INPP4B: variants seen among roughly 807,000 people sequenced by gnomAD.
INPP4B encodes the protein inositol polyphosphate 4-phosphatase type II.
Under a neutral mutation model 122.5 loss-of-function variants are expected in INPP4B, and 55 were observed. That is an observed-to-expected ratio of 0.45 (90% CI 0.36 to 0.56). The LOEUF (loss-of-function observed/expected upper bound fraction) is 0.56, where lower values mean the gene tolerates loss of function less well. Among genes scored for constraint, INPP4B ranks in the 20% least tolerant of loss-of-function variants. The pLI is 0.00. For missense variants in INPP4B, 1,000 were observed against 1,097.7 expected (o/e 0.91, Z 1.26); for synonymous variants, 403 against 388.7 (o/e 1.04, Z -0.43).
chr4:142,078,804 C>T (rs1772254891), intron 25 of INPP4B, among the ~76,000 whole-genome samples: 1 of 151,794 alleles, frequency 6.6e-6, no homozygotes, highest in South Asian at 2.1e-4. Context: ...GATGAAGAAA[C>T]CTTGGTGAAT....
chr4:142,827,969 A>G (rs1446530453), intron 1 of INPP4B, among the ~76,000 whole-genome samples: 1 of 152,126 alleles, frequency 6.6e-6, no homozygotes, highest in East Asian at 1.9e-4. Context: ...GTTGAACAGA[A>G]CTCTGAGGTA....
At chr4:142,229,476 T>C (rs1054180673) in intron 12 of INPP4B, among the ~76,000 whole-genome samples, 3 of 152,096 alleles carry the variant, frequency 2.0e-5, no homozygotes, top group Non-Finnish European at 4.4e-5. Flanking sequence ...AGGTGGTAGG[T>C]AGATGAATAC....
chr4:142,033,672 T>TTC (rs1741895627), intron 25 of INPP4B, among the ~76,000 whole-genome samples: 1 of 150,058 alleles, frequency 6.7e-6, no homozygotes, highest in Admixed American at 6.6e-5. Context: ...CATTTCATTT[T>TTC]TTTTTTTTTT....
intron 17 of INPP4B, among the ~76,000 whole-genome samples, chr4:142,159,907 C>T (rs900852020): frequency 2.0e-5 from 3 of 151,892 alleles, no homozygotes; most frequent in South Asian, 4.1e-4. Flanking sequence ...GAGGGATTTG[C>T]GAGATATCTA....
intron 9 of INPP4B, among the ~76,000 whole-genome samples, chr4:142,282,883 T>C (rs908339899): frequency 6.6e-6 from 1 of 152,074 alleles, no homozygotes; most frequent in African/African-American, 2.4e-5. Flanking sequence ...GGGAACATCT[T>C]AGCATTCTGA....
intron 1 of INPP4B, among the ~76,000 whole-genome samples, chr4:142,804,212 A>G (rs2151098499): frequency 6.6e-6 from 1 of 152,196 alleles, no homozygotes; most frequent in Non-Finnish European, 1.5e-5. Flanking sequence ...TCACTTTAGC[A>G]TTGAAGTCAG....
intron 12 of INPP4B, among the ~76,000 whole-genome samples, chr4:142,231,474 C>CA (rs1854342688): frequency 6.6e-6 from 1 of 152,166 alleles, no homozygotes; most frequent in Admixed American, 6.5e-5. Flanking sequence ...AGTGGGATTT[C>CA]ATTCTCGCTG....
intron 11 of INPP4B, among the ~76,000 whole-genome samples, chr4:142,242,847 T>C (rs1008455229): frequency 6.6e-6 from 1 of 152,170 alleles, no homozygotes; most frequent in Non-Finnish European, 1.5e-5. Flanking sequence ...TGTTTAGTGG[T>C]CCATGTCTCC....
At chr4:142,045,333 A>G (rs1281537949) in intron 25 of INPP4B, among the ~76,000 whole-genome samples, 1 of 152,112 alleles carries the variant, frequency 6.6e-6, no homozygotes, top group Non-Finnish European at 1.5e-5. Flanking sequence ...ATTATGCCAC[A>G]ATGCCTTTGT....
At chr4:142,202,966 C>T (rs750866509) in intron 14 of INPP4B, among the ~76,000 whole-genome samples, 9 of 152,024 alleles carry the variant, frequency 5.9e-5, no homozygotes, top group South Asian at 4.1e-4. Context: ...TTCTTCCCCA[C>T]GGAAAAGATG....
chr4:142,069,761 T>A (rs142070685), intron 25 of INPP4B, among the ~76,000 whole-genome samples: 3,893 of 151,958 alleles, frequency 0.026, 184 homozygotes, highest in African/African-American at 0.089. Flanking sequence ...CTGGACACAT[T>A]CACCATCCCA....
At chr4:142,160,248 GTTATAA>G (rs1460541991) in intron 17 of INPP4B, 104 bp downstream of exon 17, 36 of 789,744 alleles carry the variant, frequency 4.6e-5, no homozygotes, top group Non-Finnish European at 6.5e-5. Context: ...CACAATCAGT[GTTATAA>G]CTTTTTTTCC....
chr4:142,427,609 C>A (rs1290893718), intron 5 of INPP4B: 1 of 402,958 alleles, frequency 2.5e-6, no homozygotes, highest in African/African-American at 2.1e-5. Context: ...TTCAAGTATG[C>A]CATTTCTTGA....
intron 11 of INPP4B, among the ~76,000 whole-genome samples, chr4:142,250,967 T>C (rs563818069): frequency 1.3e-5 from 2 of 152,358 alleles, no homozygotes; most frequent in East Asian, 3.8e-4. Flanking sequence ...GTTTTTGTCA[T>C]ATTACAATTT....
intron 25 of INPP4B, among the ~76,000 whole-genome samples, chr4:142,037,061 G>A (rs1744399123): frequency 6.6e-6 from 1 of 152,176 alleles, no homozygotes; most frequent in Admixed American, 6.5e-5. Context: ...AATGTCATTA[G>A]TTTTGGCCAT....
chr4:142,818,723 TCTC>T (rs1780438430), intron 1 of INPP4B, among the ~76,000 whole-genome samples: 1 of 152,078 alleles, frequency 6.6e-6, no homozygotes, highest in Non-Finnish European at 1.5e-5. Flanking sequence ...ACAACTCTCT[TCTC>T]CTCCTACCAC....
intron 2 of INPP4B, among the ~76,000 whole-genome samples, chr4:142,490,681 C>A (rs1017990896): frequency 2.6e-5 from 4 of 152,014 alleles, no homozygotes; most frequent in Non-Finnish European, 5.9e-5. Context: ...AATTTTGTAT[C>A]CTTGGACCAA....
chr4:142,071,383 C>T (rs1194369528), intron 25 of INPP4B, among the ~76,000 whole-genome samples: 1 of 152,190 alleles, frequency 6.6e-6, no homozygotes, highest in African/African-American at 2.4e-5. Context: ...CATAAAAACC[C>T]TAGAAGAAAA....
chr4:142,791,024 C>T (rs1776483750), intron 1 of INPP4B, among the ~76,000 whole-genome samples: 1 of 152,134 alleles, frequency 6.6e-6, no homozygotes, highest in Admixed American at 6.6e-5. Flanking sequence ...TACCTAGCAT[C>T]TATATAAAAC....
Sources: gnomAD v4.1 joint callset for allele counts (sites outside exome capture counted in the v4.1 genomes callset) on GRCh38, gnomAD v4.1.1 for gene constraint, MANE v1.5 for transcripts, NCBI Gene and HGNC (gene_info 2026-07-23, HGNC 2026-07-21) for gene names.